Variants in VTA1 observed in about 807,000 individuals in gnomAD.
VTA1 encodes vacuolar protein sorting-associated protein VTA1 homolog.
A neutral mutation model predicts 36.9 loss-of-function variants in VTA1; 24 were observed. The observed-to-expected ratio is 0.65, with a 90% CI of 0.47 to 0.91. VTA1 has a LOEUF of 0.91. VTA1 is among the 40% of genes least tolerant of loss of function. VTA1 has a pLI of 0.00. For synonymous variants in VTA1, 142 were observed against 130.2 expected, an observed-to-expected ratio of 1.09 and a Z score of -0.62; for missense variants, 393 against 377.2, an observed-to-expected ratio of 1.04 and a Z score of -0.35.
chr6:142,189,414 G>A lies in VTA1; in HGVS notation c.412-12G>A. On this transcript the variant is annotated splice_polypyrimidine_tract_variant and intron_variant, in intron 4 of 7. Transcript: ENST00000367630. ...CATAGTCCAATGTTGATATAAAAAT[G>A]CTCTCTTTTAGAATGTGAAACACAG... 1 of 1,594,744 alleles carries A rather than the reference G, an allele frequency of 6.3e-7. No individual in the cohort carries two copies. Among genetic ancestry groups the A allele is most frequent in the Non-Finnish European group, 8.6e-7 (1 of 1,164,224 alleles).
At chr6:142,205,127 TA>T (rs1313464235) in intron 7 of VTA1, among the ~76,000 whole-genome samples, 1 of 152,182 alleles carries the variant, frequency 6.6e-6, no homozygotes, top group Non-Finnish European at 1.5e-5. Context: ...AACTGGCCAA[TA>T]AGCCTTCCTG....
intron 1 of VTA1, among the ~76,000 whole-genome samples, chr6:142,153,330 C>T (rs1778602926): frequency 6.6e-6 from 1 of 151,408 alleles, no homozygotes; most frequent in South Asian, 2.1e-4. Flanking sequence ...ACAAACTATA[C>T]AGTAATTCAT....
chr6:142,211,345 A>G (rs992618965), intron 7 of VTA1, among the ~76,000 whole-genome samples: 8 of 152,250 alleles, frequency 5.3e-5, no homozygotes, highest in Non-Finnish European at 8.8e-5. Flanking sequence ...AAAAGATAGC[A>G]TAAGAGAAAA....
chr6:142,194,679 AT>A (rs1236495023), intron 5 of VTA1, among the ~76,000 whole-genome samples: 2 of 152,108 alleles, frequency 1.3e-5, no homozygotes, highest in East Asian at 1.9e-4. Context: ...TATGTAGATA[AT>A]TATGTCATTT....
intron 4 of VTA1, among the ~76,000 whole-genome samples, chr6:142,175,413 G>C (rs1775101677): frequency 6.6e-6 from 1 of 151,870 alleles, no homozygotes. Flanking sequence ...TGTGTTTTTA[G>C]CCGGCTTTGC....
chr6:142,211,112 A>G (rs906181741), intron 7 of VTA1, among the ~76,000 whole-genome samples: 2 of 152,188 alleles, frequency 1.3e-5, no homozygotes, highest in African/African-American at 4.8e-5. Context: ...TGGGAGCTAA[A>G]AAAGGTGGAT....
chr6:142,164,615 A>G (rs1211086622), intron 1 of VTA1, among the ~76,000 whole-genome samples: 1 of 152,178 alleles, frequency 6.6e-6, no homozygotes, highest in Non-Finnish European at 1.5e-5. Flanking sequence ...ACATGTGACC[A>G]TAATTGAATT....
At chr6:142,215,418 G>A (rs1415684463) in intron 7 of VTA1, among the ~76,000 whole-genome samples, 1 of 147,516 alleles carries the variant, frequency 6.8e-6, no homozygotes, top group African/African-American at 2.6e-5. Context: ...TCCAGCCTGG[G>A]CGACAGAGTG....
intron 4 of VTA1, among the ~76,000 whole-genome samples, chr6:142,175,003 A>C (rs1244202481): frequency 2.6e-5 from 4 of 152,190 alleles, no homozygotes; most frequent in African/African-American, 9.7e-5. Flanking sequence ...AACATCAGGT[A>C]TTCCTTTATA....
chr6:142,165,446 C>T (rs1183119889), intron 1 of VTA1, among the ~76,000 whole-genome samples: 2 of 152,166 alleles, frequency 1.3e-5, no homozygotes, highest in African/African-American at 4.8e-5. Context: ...CATTCAAAAA[C>T]TTCGTTGCAT....
chr6:142,208,052 ACT>A (rs1417530269), intron 7 of VTA1, among the ~76,000 whole-genome samples: 2 of 142,220 alleles, frequency 1.4e-5, no homozygotes, highest in East Asian at 4.2e-4. Flanking sequence ...TCCCCACTGC[ACT>A]CTCCAGCCTG....
chr6:142,169,761 C>A (rs769250808), intron 3 of VTA1, 84 bp downstream of exon 3: 3 of 1,230,108 alleles, frequency 2.4e-6, no homozygotes, highest in Non-Finnish European at 3.2e-6. Flanking sequence ...GGAACACTTT[C>A]TAACCTGCTG....
At chr6:142,191,226 TCTGGTCTTTAAATGCACC>T (rs753809319) in intron 5 of VTA1, among the ~76,000 whole-genome samples, 1 of 152,144 alleles carries the variant, frequency 6.6e-6, no homozygotes, top group Non-Finnish European at 1.5e-5. Flanking sequence ...AGTGGAATTA[TCTGGTCTTTAAATGCACC>T]CTGGAAATTT....
intron 7 of VTA1, among the ~76,000 whole-genome samples, chr6:142,215,933 T>G (rs754907209): frequency 6.6e-6 from 1 of 152,176 alleles, no homozygotes; most frequent in Non-Finnish European, 1.5e-5. Context: ...CTGCCTGATC[T>G]TGTCCTGACC....
chr6:142,190,077 C>T (rs1039259575), intron 5 of VTA1, among the ~76,000 whole-genome samples: 1 of 152,132 alleles, frequency 6.6e-6, no homozygotes, highest in Non-Finnish European at 1.5e-5. Flanking sequence ...AATCAGATTT[C>T]ATTCCTGTTA....
At chr6:142,180,436 G>A (rs1055852173) in intron 4 of VTA1, among the ~76,000 whole-genome samples, 2 of 152,068 alleles carry the variant, frequency 1.3e-5, no homozygotes, top group African/African-American at 4.8e-5. Context: ...ATAAATAAAT[G>A]AATAAATAAT....
At chr6:142,147,837 G>A (rs1285813558) in intron 1 of VTA1, among the ~76,000 whole-genome samples, 1 of 152,188 alleles carries the variant, frequency 6.6e-6, no homozygotes, top group Non-Finnish European at 1.5e-5. Flanking sequence ...ATTTATGACA[G>A]CATGCAAGCC....
At chr6:142,195,623 TAGGG>T (rs1339693044) in intron 5 of VTA1, among the ~76,000 whole-genome samples, 4 of 145,662 alleles carry the variant, frequency 2.7e-5, no homozygotes, top group African/African-American at 5.0e-5. Context: ...TTTAGCTTCT[TAGGG>T]AGGAAATGTA....
At chr6:142,202,956 A>T (rs1429102624) in intron 6 of VTA1, among the ~76,000 whole-genome samples, 1 of 151,972 alleles carries the variant, frequency 6.6e-6, no homozygotes, top group Non-Finnish European at 1.5e-5. Flanking sequence ...GAAAACAATT[A>T]AGTGAGGTAA....
Sources: allele counts gnomAD v4.1 joint callset (sites outside exome capture counted in the v4.1 genomes callset), GRCh38; gene constraint gnomAD v4.1.1; transcripts MANE v1.5; gene names NCBI Gene and HGNC (gene_info 2026-07-23, HGNC 2026-07-21).